The following DCAF4 variants were observed in gnomAD, a reference collection of about 807,000 sequenced individuals.
The protein encoded by DCAF4 is DDB1- and CUL4-associated factor 4.
DCAF4 carries 37 observed loss-of-function variants against 60.9 expected under a neutral mutation model. The observed-to-expected ratio is 0.61, with a 90% CI of 0.47 to 0.80. The LOEUF (loss-of-function observed/expected upper bound fraction) is 0.80. Ranked by LOEUF, DCAF4 falls within the 30% of genes least tolerant of loss-of-function variation. DCAF4 has a pLI of 0.00. For missense variants in DCAF4, 577 were observed against 650.0 expected, an observed-to-expected ratio of 0.89 and a Z score of 1.22; for synonymous variants, 243 against 254.8, an observed-to-expected ratio of 0.95 and a Z score of 0.44.
At chr14:72,948,989 C>A (rs1891081919) in intron 8 of DCAF4, among the ~76,000 whole-genome samples, 1 of 152,172 alleles carries the variant, frequency 6.6e-6, no homozygotes, top group African/African-American at 2.4e-5. Flanking sequence ...ATGCACATCC[C>A]ACTTTCTTCA....
chr14:72,942,465 C>G (rs1185344813), intron 5 of DCAF4: 1 of 155,984 alleles, frequency 6.4e-6, no homozygotes, highest in Non-Finnish European at 1.4e-5. Context: ...GCCCTCGGAC[C>G]TTGGAGCAGG....
In DCAF4 at chr14:72,940,414, C is replaced by T. The variant is rs762573869; in HGVS notation, c.351+37C>T. The T allele has an allele frequency of 2.5e-6, 4 of 1,574,900 alleles. No homozygotes were observed. In the South Asian group the frequency reaches 4.7e-5, roughly 19 times the overall value. ...ACCCCTTCGCCCCCTGTCCTCTCCG[C>T]TCCTGCCAGCACCTGTCCATCCACT... is the stretch of plus-strand genomic sequence containing the variant. On this transcript the variant is annotated intron_variant, in intron 4 of 13. Transcript: ENST00000358377.
At chr14:72,947,337 C>A in intron 8 of DCAF4, 146 bp downstream of exon 8, 2 of 943,156 alleles carry the variant, frequency 2.1e-6, no homozygotes, top group Middle Eastern at 3.2e-4. Context: ...GAAAAAAAAG[C>A]AGCGTACCTG....
At chr14:72,938,200 G>A in intron 2 of DCAF4, 130 bp downstream of exon 2, 1 of 1,304,586 alleles carries the variant, frequency 7.7e-7, no homozygotes, top group Non-Finnish European at 1.0e-6. Flanking sequence ...GATTCTGTAG[G>A]TCTGAGGGGT....
chr14:72,943,260 G>A (rs557504192), intron 6 of DCAF4, among the ~76,000 whole-genome samples, 164 bp downstream of exon 6: 8 of 152,170 alleles, frequency 5.3e-5, no homozygotes, highest in African/African-American at 7.2e-5. Flanking sequence ...CTGGCTACCC[G>A]CTGGGAGACG....
At chr14:72,928,155 A>T (rs1887892205) in intron 1 of DCAF4, among the ~76,000 whole-genome samples, 1 of 132,176 alleles carries the variant, frequency 7.6e-6, no homozygotes, top group Non-Finnish European at 1.5e-5. Context: ...CGTTTTGCAC[A>T]TTACAGCCCG....
In DCAF4 at chr14:72,943,252, G is replaced by A. The variant is rs898672366; in HGVS notation, c.534+156G>A. On this transcript the variant is annotated intron_variant, in intron 6 of 13. Transcript: ENST00000358377. ...GTTGTACGATTTTAACCTGCCTGCT[G>A]GCTACCCGCTGGGAGACGCTGAGCT... 5.9e-5 allele frequency among the ~76,000 whole-genome samples: 9 copies of A among 152,168 alleles called. No individual in the cohort carries two copies. In the East Asian group the frequency reaches 9.6e-4, roughly 16 times the overall value.
chr14:72,935,233 C>T (rs1431378754), intron 1 of DCAF4: 1 of 150,210 alleles, frequency 6.7e-6, no homozygotes, highest in African/African-American at 2.5e-5. Context: ...ATTTGGAAGG[C>T]TTCTATTAGT....
At chr14:72,960,423 T>C (rs1892772762), downstream of DCAF4, among the ~76,000 whole-genome samples, 1 of 152,162 alleles carries the variant, frequency 6.6e-6, no homozygotes, top group East Asian at 1.9e-4. Flanking sequence ...GTGCTGGGAT[T>C]ATAGGCCTGA....
At chr14:72,950,309 T>C (rs964499126) in intron 8 of DCAF4, among the ~76,000 whole-genome samples, 1 of 152,020 alleles carries the variant, frequency 6.6e-6, no homozygotes, top group East Asian at 1.9e-4. Flanking sequence ...AGGTGCAGGC[T>C]CTAGCCCGGG....
intron 5 of DCAF4, 23 bp downstream of exon 5, chr14:72,941,847 T>G (rs747195359): frequency 6.2e-7 from 1 of 1,608,774 alleles, no homozygotes; most frequent in Non-Finnish European, 8.5e-7. Context: ...CTCTTTGTTA[T>G]GTTTTCTTCA....
intron 1 of DCAF4, among the ~76,000 whole-genome samples, chr14:72,930,585 G>C (rs1463856159): frequency 3.9e-5 from 6 of 152,040 alleles, no homozygotes; most frequent in African/African-American, 7.2e-5. Context: ...AATGTCTTTC[G>C]ATGCACGGAA....
At chr14:72,927,164 C>T (rs1186147766) in intron 1 of DCAF4, among the ~76,000 whole-genome samples, 1 of 152,174 alleles carries the variant, frequency 6.6e-6, no homozygotes, top group Non-Finnish European at 1.5e-5. Flanking sequence ...CGTGGGCTCC[C>T]CGGGGGCTTC....
intron 1 of DCAF4, chr14:72,929,760 G>T: frequency 9.6e-7 from 1 of 1,037,314 alleles, no homozygotes; most frequent in Non-Finnish European, 1.5e-6. Context: ...TGACTCCATG[G>T]CGCGCAGCTC....
At chr14:72,937,748 A>G (rs1329724037) in intron 1 of DCAF4, among the ~76,000 whole-genome samples, 2 of 152,036 alleles carry the variant, frequency 1.3e-5, no homozygotes, top group African/African-American at 2.4e-5. Flanking sequence ...GGGGTAGGAA[A>G]CTATGTGGTC....
intron 5 of DCAF4, 170 bp from the exon 6 acceptor site, chr14:72,942,824 C>CTCA (rs1890225013): frequency 4.9e-6 from 3 of 617,232 alleles, no homozygotes; most frequent in Non-Finnish European, 8.4e-6. Flanking sequence ...TGTGGGGAAA[C>CTCA]TCAAATTCGG....
intron 5 of DCAF4, 192 bp downstream of exon 5, chr14:72,942,016 G>A (rs1890111312): frequency 5.4e-6 from 3 of 555,786 alleles, no homozygotes; most frequent in South Asian, 5.3e-5. Context: ...TCTCTCTAGA[G>A]CGAAGGCGGG....
At chr14:72,955,954 G>C (rs1220842028) in intron 12 of DCAF4, among the ~76,000 whole-genome samples, 1 of 110,976 alleles carries the variant, frequency 9.0e-6, no homozygotes, top group Non-Finnish European at 1.7e-5. Flanking sequence ...ATGGAGTCTT[G>C]CTCTGTCGCC....
At position 72,954,505 on chromosome 14, in the gene DCAF4, A is replaced by G. The variant is rs767832688; in HGVS notation, c.1005+22A>G. On this transcript the variant is annotated intron_variant, in intron 11 of 13. Transcript: ENST00000358377. Reference sequence around the variant, plus strand: ...CATGGTTGGTTGGATTGGGACAGGCAGAATATAAAAGTTTGCCCCATGTAG... The same window carrying G: ...CATGGTTGGTTGGATTGGGACAGGCGGAATATAAAAGTTTGCCCCATGTAG... 7.4e-6 allele frequency: 12 copies of G among 1,611,742 alleles called. No individual in the cohort carries two copies. The Admixed American group carries it at 2.0e-4, about 27-fold the overall frequency.
Sources: allele counts gnomAD v4.1 joint callset (sites outside exome capture counted in the v4.1 genomes callset), GRCh38; gene constraint gnomAD v4.1.1; transcripts MANE v1.5; gene names NCBI Gene and HGNC (gene_info 2026-07-23, HGNC 2026-07-21).